Variants in RAB18 observed in about 807,000 individuals in gnomAD.
RAB18 encodes the protein ras-related protein Rab-18.
A neutral mutation model predicts 28.5 loss-of-function variants in RAB18; 10 were observed. The ratio of observed to expected loss-of-function variants is 0.35; its 90% confidence interval spans 0.22 to 0.60. The LOEUF (loss-of-function observed/expected upper bound fraction) is 0.60, where lower values mean the gene tolerates loss of function less well. RAB18 is among the 20% of genes least tolerant of loss of function. RAB18 has a pLI of 0.78. For missense variants in RAB18, 188 were observed against 244.2 expected (o/e 0.77, Z 1.53); for synonymous variants, 93 against 86.9 (o/e 1.07, Z -0.39).
chr10:27,532,696 C>A, intron 4 of RAB18, 117 bp downstream of exon 4: 2 of 750,046 alleles, frequency 2.7e-6, no homozygotes, highest in Non-Finnish European at 4.5e-6. Flanking sequence ...TTTTATGTAA[C>A]TTGTAGTTGT....
intron 2 of RAB18, among the ~76,000 whole-genome samples, chr10:27,517,664 A>G (rs753632873): frequency 5.9e-5 from 9 of 152,252 alleles, no homozygotes; most frequent in African/African-American, 9.6e-5. Flanking sequence ...TGTTTCTTAC[A>G]TATGAGTTCA....
chr10:27,510,427 TA>T (rs1834302114), intron 2 of RAB18: 1 of 170,948 alleles, frequency 5.8e-6, no homozygotes, highest in African/African-American at 2.4e-5. Context: ...TAAGGATTGT[TA>T]GGAGCAATGA....
At chr10:27,521,847 TA>T (rs150407024) in intron 2 of RAB18, among the ~76,000 whole-genome samples, 90 of 140,730 alleles carry the variant, frequency 6.4e-4, no homozygotes, top group African/African-American at 1.9e-3. Context: ...CCTATTGAAA[TA>T]AAAAAAAAAT....
chr10:27,526,459 T>A (rs1481737664), intron 2 of RAB18, among the ~76,000 whole-genome samples: 1 of 152,124 alleles, frequency 6.6e-6, no homozygotes, highest in Admixed American at 6.5e-5. Context: ...AGGGAGCCCC[T>A]GGAAGCTGCC....
At chr10:27,509,971 T>G in intron 2 of RAB18, 41 bp downstream of exon 2, 1 of 1,505,242 alleles carries the variant, frequency 6.6e-7, no homozygotes. Flanking sequence ...TGGCCAGTAT[T>G]TTCTTGCCTT....
chr10:27,537,685 A>T (rs1218011893), intron 6 of RAB18, among the ~76,000 whole-genome samples, 191 bp from the exon 7 acceptor site: 1 of 152,166 alleles, frequency 6.6e-6, no homozygotes, highest in Non-Finnish European at 1.5e-5. Context: ...TAGTATTCTT[A>T]TGGATAGAAT....
chr10:27,537,886 A>G lies in RAB18; in HGVS notation c.456A>G (p.Ala152=), dbSNP rs1834932686. 4 of 1,613,378 alleles carry G rather than the reference A, an allele frequency of 2.5e-6. No homozygotes were observed. Among genetic ancestry groups the G allele is most frequent in the Non-Finnish European group, 3.4e-6 (4 of 1,179,294 alleles). ...KHSMLFIEAS[A]KTCDGVQCAF... ...TTCCTTGAATTTCAGAGGCAAGTGC[A>G]AAAACCTGTGATGGTGTACAATGTG... is the stretch of plus-strand genomic sequence containing the variant. The change falls in exon 7 of 7, where the codon GCA becomes GCG. Residue 152 remains alanine, a synonymous_variant. Coordinates refer to ENST00000356940, the MANE Select transcript of RAB18 (RefSeq NM_021252.5).
At position 27,541,100 on chromosome 10, in the gene RAB18, A is replaced by G. The variant is rs1835016659; in HGVS notation, c.*3049A>G. On this transcript the variant is annotated 3_prime_UTR_variant, in exon 7 of 7. Transcript: ENST00000356940. ...CATTATGCTTCTCTTTCTTGGGGGT[A>G]CATTTCACTAGTAATACTTAGGAAG... The G allele has an allele frequency of 4.4e-6, 2 of 453,946 alleles. No individual in the cohort carries two copies. The highest frequency in any genetic ancestry group is 4.0e-5 in the African/African-American group (2 of 49,998). The allele number at this position is 453,946 out of a possible 1,614,324, so 28.1% of individuals were successfully genotyped here. A position where few individuals can be genotyped will look rare whatever the true frequency, so the allele number is the denominator to read the frequency against.
chr10:27,505,242 G>A (rs954034408), intron 1 of RAB18: 4 of 470,558 alleles, frequency 8.5e-6, no homozygotes, highest in African/African-American at 7.9e-5. Flanking sequence ...TTTCATCCAG[G>A]TCTTGGAAGA....
rs1181757177 is a variant in RAB18 at position 27,538,586 on chromosome 10, A to G, written c.*535A>G. ...TCATCACAGAATGTAGCCCAGGCCAATTTATAACTAAATCTCTATTTGTTC... is the reference window on the plus strand; with the variant it reads ...TCATCACAGAATGTAGCCCAGGCCAGTTTATAACTAAATCTCTATTTGTTC... On this transcript the variant is annotated 3_prime_UTR_variant, in exon 7 of 7. Transcript: ENST00000356940. The G allele has an allele frequency of 2.0e-5, 9 of 454,396 alleles. No individual in the cohort carries two copies. Among genetic ancestry groups the G allele is most frequent in the South Asian group, 1.2e-4 (8 of 64,478 alleles). 28.1% of individuals were successfully genotyped at this position (454,396 alleles called of 1,614,324 possible).
chr10:27,541,228 A>G lies in RAB18; in HGVS notation c.*3177A>G. 2.2e-6 allele frequency: 1 copy of G among 454,024 alleles called. No individual in the cohort carries two copies. The highest frequency in any genetic ancestry group is 4.4e-6 in the Non-Finnish European group (1 of 226,778). The allele number at this position is 454,024 out of a possible 1,614,324, so 28.1% of individuals were successfully genotyped here. On this transcript the variant is annotated 3_prime_UTR_variant, in exon 7 of 7. Coordinates refer to ENST00000356940, the MANE Select transcript of RAB18 (RefSeq NM_021252.5). Reference sequence around the variant, plus strand: ...GACTCCGACCCTGCCGTGTATACTCAACTATATAGACTTCACCCTGGGTTT... The same window carrying G: ...GACTCCGACCCTGCCGTGTATACTCGACTATATAGACTTCACCCTGGGTTT...
chr10:27,532,606 T>G, intron 4 of RAB18, 27 bp downstream of exon 4: 1 of 1,500,854 alleles, frequency 6.7e-7, no homozygotes, highest in Non-Finnish European at 9.3e-7. Flanking sequence ...ATGTACTATT[T>G]AAAAATATTT....
intron 3 of RAB18, chr10:27,528,262 G>A (rs779981785): frequency 3.4e-5 from 16 of 477,144 alleles, no homozygotes; most frequent in Non-Finnish European, 6.3e-5. Flanking sequence ...AAGGCTGGCA[G>A]GTATTATTGA....
At chr10:27,512,087 G>A (rs1170754142) in intron 2 of RAB18, among the ~76,000 whole-genome samples, 3 of 151,802 alleles carry the variant, frequency 2.0e-5, no homozygotes, top group African/African-American at 7.3e-5. Context: ...ACCATGCCCA[G>A]CTCAGGAGGA....
In RAB18 at chr10:27,509,836, A is replaced by G. The variant is rs180913977; in HGVS notation, c.69-39A>G. 1.6e-4 allele frequency: 246 copies of G among 1,527,510 alleles called. No homozygotes were observed. In the African/African-American group the frequency reaches 2.8e-3, roughly 17 times the overall value. The allele number at this position is 1,527,510 out of a possible 1,614,324, so 94.6% of individuals were successfully genotyped here. A position where few individuals can be genotyped will look rare whatever the true frequency, so the allele number is the denominator to read the frequency against. ...AACACATTTATCATATGATTAGAAA[A>G]TTCAAGTTCCCAACCTGTCTTTTTA... On this transcript the variant is annotated intron_variant, in intron 1 of 6. Transcript: ENST00000356940.
intron 3 of RAB18, chr10:27,531,485 T>C: frequency 6.5e-7 from 1 of 1,535,054 alleles, no homozygotes; most frequent in Non-Finnish European, 8.8e-7. Flanking sequence ...GACTGGTAGC[T>C]AAGTTGAGGT....
At chr10:27,531,773 G>A (rs906522689) in intron 3 of RAB18, among the ~76,000 whole-genome samples, 1 of 150,944 alleles carries the variant, frequency 6.6e-6, no homozygotes, top group African/African-American at 2.4e-5. Context: ...GTAAAGGCTT[G>A]TTAAATAGGT....
At chr10:27,506,615 A>T (rs1424728003) in intron 1 of RAB18, among the ~76,000 whole-genome samples, 1 of 152,046 alleles carries the variant, frequency 6.6e-6, no homozygotes, top group Non-Finnish European at 1.5e-5. Flanking sequence ...AGCCACCACA[A>T]CCGGCCCTAC....
intron 2 of RAB18, among the ~76,000 whole-genome samples, chr10:27,513,589 AAG>A (rs1355600371): frequency 6.6e-6 from 1 of 152,202 alleles, no homozygotes. Context: ...AAAAACAACA[AAG>A]AGAGGGAAAA....
Sources: gnomAD v4.1 joint callset for allele counts (sites outside exome capture counted in the v4.1 genomes callset) on GRCh38, gnomAD v4.1.1 for gene constraint, MANE v1.5 for transcripts, NCBI Gene and HGNC (gene_info 2026-07-23, HGNC 2026-07-21) for gene names.